The following JMJD1C variants were observed in gnomAD, a reference collection of about 807,000 sequenced individuals.
JMJD1C encodes jumonji domain-containing protein 1C.
JMJD1C carries 31 observed loss-of-function variants against 245.3 expected under a neutral mutation model. The observed-to-expected ratio is 0.13, with a 90% CI of 0.09 to 0.17. JMJD1C has a LOEUF of 0.17. Ranked by LOEUF, JMJD1C falls within the 10% of genes least tolerant of loss-of-function variation. The pLI, the probability that JMJD1C is intolerant of heterozygous loss-of-function variation, is 1.00. For synonymous variants in JMJD1C, 1,057 were observed against 1,017.4 expected (o/e 1.04, Z -0.74); for missense variants, 2,691 against 3,000.2 (o/e 0.90, Z 2.41).
chr10:63,270,706 G>C (rs1191560571), intron 2 of JMJD1C, among the ~76,000 whole-genome samples: 1 of 152,064 alleles, frequency 6.6e-6, no homozygotes, highest in Non-Finnish European at 1.5e-5. Context: ...GAACTTAAGC[G>C]ATCCACCCAC....
chr10:63,237,751 T>G (rs1037906406), intron 3 of JMJD1C, among the ~76,000 whole-genome samples: 44 of 152,290 alleles, frequency 2.9e-4, no homozygotes, highest in African/African-American at 1.0e-3. Context: ...TTAGAAAATC[T>G]GAAATCCAAA....
At chr10:63,433,103 T>G (rs1446694903) in intron 1 of JMJD1C, among the ~76,000 whole-genome samples, 1 of 152,090 alleles carries the variant, frequency 6.6e-6, no homozygotes, top group African/African-American at 2.4e-5. Flanking sequence ...ATCATTTTTT[T>G]TTTTTGAGAC....
At chr10:63,502,878 T>C (rs777741275) in intron 1 of JMJD1C, among the ~76,000 whole-genome samples, 1 of 152,142 alleles carries the variant, frequency 6.6e-6, no homozygotes, top group Non-Finnish European at 1.5e-5. Flanking sequence ...CCGAGAAACA[T>C]GAGCTGCACA....
chr10:63,180,209 T>C (rs751603956), intron 22 of JMJD1C, among the ~76,000 whole-genome samples: 6 of 152,106 alleles, frequency 3.9e-5, no homozygotes, highest in Non-Finnish European at 8.8e-5. Context: ...GGGGTTTCAC[T>C]ATATGTTGGC....
chr10:63,508,388 C>CAGT (rs1373831235), intron 1 of JMJD1C, among the ~76,000 whole-genome samples: 3 of 152,178 alleles, frequency 2.0e-5, no homozygotes, highest in Non-Finnish European at 4.4e-5. Context: ...TGCAGTCTTA[C>CAGT]AGTAAGTCTT....
chr10:63,178,517 C>G (rs1843077919), intron 22 of JMJD1C, among the ~76,000 whole-genome samples: 2 of 152,110 alleles, frequency 1.3e-5, no homozygotes. Context: ...GGCCCCTATA[C>G]TTACTTAAGA....
chr10:63,431,772 G>A lies in JMJD1C; in HGVS notation c.168+33723C>T, dbSNP rs182561837. On this transcript the variant is annotated intron_variant, in intron 1 of 25. Transcript: ENST00000399262. Reference sequence around the variant, plus strand: ...CGCACGCCTGTAATCCCAGCACTTTGGGAGGCCGAGGCGGGCGGATCACGA... The same window carrying A: ...CGCACGCCTGTAATCCCAGCACTTTAGGAGGCCGAGGCGGGCGGATCACGA... 3.3e-3 allele frequency among the ~76,000 whole-genome samples: 506 copies of A among 152,344 alleles called. 4 individuals are homozygous for A. The highest frequency in any genetic ancestry group is 0.011 in the African/African-American group (474 of 41,590).
At chr10:63,302,431 A>C (rs936513467) in intron 2 of JMJD1C, among the ~76,000 whole-genome samples, 2 of 152,244 alleles carry the variant, frequency 1.3e-5, no homozygotes, top group Admixed American at 6.5e-5. Context: ...AACGTGTTCA[A>C]AACATTTGAT....
chr10:63,423,842 G>C (rs1950272035), intron 1 of JMJD1C, among the ~76,000 whole-genome samples: 1 of 152,104 alleles, frequency 6.6e-6, no homozygotes, highest in Non-Finnish European at 1.5e-5. Flanking sequence ...AAAAATTATA[G>C]TCATATTAGT....
rs1007022926 is a variant in JMJD1C at position 63,214,624 on chromosome 10, C to T, written c.1543G>A (p.Asp515Asn). ...TGAGCCACCTTTTCTAAATTAGTGT[C>T]ATTTGTAATATCAATAACACATTTT... is the stretch of plus-strand genomic sequence containing the variant. ...TPKCVIDITNDTNLEKVAQEN... is the reference protein window; with the variant it reads ...TPKCVIDITNNTNLEKVAQEN... The change falls in exon 8 of 26, where the codon GAC (aspartate) becomes AAC (asparagine). Residue 515 changes from aspartate to asparagine, a missense_variant. Physicochemically the swap from Asp to Asn is conservative, Grantham distance 23. Around this residue, in one of 9 missense-constraint regions of JMJD1C, gnomAD observed 1,562 missense variants for 1,490.7 expected, o/e 1.05. Coordinates refer to ENST00000399262, the MANE Select transcript of JMJD1C (RefSeq NM_032776.3). The T allele has an allele frequency of 6.2e-7, 1 of 1,613,956 alleles. No individual in the cohort carries two copies. Among genetic ancestry groups the T allele is most frequent in the South Asian group, 1.1e-5 (1 of 91,076 alleles).
chr10:63,425,626 A>T (rs1444539434), intron 1 of JMJD1C, among the ~76,000 whole-genome samples: 1 of 151,790 alleles, frequency 6.6e-6, no homozygotes, highest in Non-Finnish European at 1.5e-5. Context: ...TACAAAAAAT[A>T]AAAAAAATTA....
At chr10:63,237,650 C>A (rs2133456695) in intron 3 of JMJD1C, among the ~76,000 whole-genome samples, 1 of 152,224 alleles carries the variant, frequency 6.6e-6, no homozygotes, top group East Asian at 1.9e-4. Flanking sequence ...CAGGTTGTAT[C>A]CAAAATGCTT....
intron 2 of JMJD1C, chr10:63,358,946 CT>C: frequency 6.2e-6 from 1 of 161,050 alleles, no homozygotes; most frequent in Non-Finnish European, 1.4e-5. Flanking sequence ...CATGTTGGAC[CT>C]TCAAAATAAT....
chr10:63,305,458 C>CT (rs1564760910), intron 2 of JMJD1C, among the ~76,000 whole-genome samples: 897 of 69,054 alleles, frequency 0.013, 16 homozygotes, highest in African/African-American at 0.043. Context: ...GACGCTCTGA[C>CT]CCTCTCTCTC....
intron 1 of JMJD1C, among the ~76,000 whole-genome samples, chr10:63,511,784 G>A (rs2133285803): frequency 6.6e-6 from 1 of 152,118 alleles, no homozygotes; most frequent in African/African-American, 2.4e-5. Context: ...CCAACGTTTT[G>A]TATACACAAG....
chr10:63,482,927 A>G (rs548951673), intron 1 of JMJD1C, among the ~76,000 whole-genome samples: 5 of 152,352 alleles, frequency 3.3e-5, no homozygotes, highest in African/African-American at 1.2e-4. Context: ...TAAGAAATCA[A>G]TGAAATGCTT....
intron 1 of JMJD1C, among the ~76,000 whole-genome samples, chr10:63,419,525 C>T (rs887726635): frequency 7.9e-5 from 12 of 152,108 alleles, no homozygotes; most frequent in Non-Finnish European, 1.6e-4. Context: ...AAAGCACTGT[C>T]AGCTACTTTT....
chr10:63,465,280 A>T, intron 1 of JMJD1C: 1 of 544,400 alleles, frequency 1.8e-6, no homozygotes, highest in Non-Finnish European at 3.2e-6. Flanking sequence ...CTATCCCGGG[A>T]GTCCTGCTCC....
intron 1 of JMJD1C, among the ~76,000 whole-genome samples, chr10:63,490,131 G>A (rs1316345284): frequency 6.6e-6 from 1 of 152,124 alleles, no homozygotes; most frequent in Non-Finnish European, 1.5e-5. Context: ...CCATGAAACT[G>A]GCCCCTGGTG....
Sources: allele counts gnomAD v4.1 joint callset (sites outside exome capture counted in the v4.1 genomes callset), GRCh38; gene constraint gnomAD v4.1.1; regional missense constraint gnomAD v4.1.1; transcripts MANE v1.5; gene names NCBI Gene and HGNC (gene_info 2026-07-23, HGNC 2026-07-21).